The following PEX5L variants were observed in gnomAD, a reference collection of about 807,000 sequenced individuals.
PEX5L encodes the protein PEX5-related protein.
A neutral mutation model predicts 84.0 loss-of-function variants in PEX5L; 30 were observed. That is an observed-to-expected ratio of 0.36 (90% CI 0.27 to 0.48). PEX5L has a LOEUF of 0.48. Among genes scored for constraint, PEX5L ranks in the 20% least tolerant of loss-of-function variants. PEX5L has a pLI of 0.99. For missense variants in PEX5L, 533 were observed against 754.6 expected, an observed-to-expected ratio of 0.71 and a Z score of 3.44; for synonymous variants, 270 against 283.1, an observed-to-expected ratio of 0.95 and a Z score of 0.46.
chr3:180,031,093 TTTATAC>T (rs367755021), intron 1 of PEX5L, among the ~76,000 whole-genome samples: 51,847 of 151,942 alleles, frequency 0.34, 11,624 homozygotes, highest in African/African-American at 0.65. Flanking sequence ...CTAATGGATA[TTTATAC>T]TAATAAAAAA....
chr3:179,914,780 A>G lies in PEX5L; in HGVS notation c.94-16534T>C, dbSNP rs113868441. Among the ~76,000 whole-genome samples, 76 of 152,320 alleles carry G rather than the reference A, an allele frequency of 5.0e-4. 1 individual carries two copies. Among genetic ancestry groups the G allele is most frequent in the African/African-American group, 1.7e-3 (70 of 41,580 alleles). On this transcript the variant is annotated intron_variant, in intron 2 of 14. Coordinates refer to ENST00000467460, the MANE Select transcript of PEX5L (RefSeq NM_016559.3). ...AGTTCTCCTCAGTGATAATTTCAAA[A>G]CTTTTGATCTCTGTAGCTAAAAGAA...
chr3:179,871,909 C>G (rs948196625), intron 7 of PEX5L, among the ~76,000 whole-genome samples: 1 of 152,088 alleles, frequency 6.6e-6, no homozygotes, highest in Non-Finnish European at 1.5e-5. Context: ...TTTTTTGAGA[C>G]AGGGTGTTGC....
chr3:179,854,164 A>G (rs1350481580), intron 8 of PEX5L, among the ~76,000 whole-genome samples: 2 of 150,882 alleles, frequency 1.3e-5, no homozygotes, highest in African/African-American at 4.9e-5. Flanking sequence ...GTTTCAATAC[A>G]ATGTTAAGAT....
intron 8 of PEX5L, among the ~76,000 whole-genome samples, chr3:179,831,066 C>T (rs1732671633): frequency 6.6e-6 from 1 of 152,070 alleles, no homozygotes. Context: ...GCCTGTAATC[C>T]CATCACTTTG....
intron 2 of PEX5L, among the ~76,000 whole-genome samples, chr3:179,954,247 C>A (rs2110008567): frequency 1.3e-5 from 2 of 151,380 alleles, no homozygotes; most frequent in South Asian, 2.1e-4. Context: ...AGGGCTTCAG[C>A]ACTCTCAGAA....
At chr3:179,859,660 A>T (rs1438373345) in intron 7 of PEX5L, among the ~76,000 whole-genome samples, 1 of 152,204 alleles carries the variant, frequency 6.6e-6, no homozygotes, top group African/African-American at 2.4e-5. Flanking sequence ...CCTCATGCAT[A>T]GTTCTCTTCC....
At chr3:179,850,290 C>T (rs1352910279) in intron 8 of PEX5L, among the ~76,000 whole-genome samples, 1 of 151,994 alleles carries the variant, frequency 6.6e-6, no homozygotes, top group Admixed American at 6.6e-5. Flanking sequence ...TCATGCCTGG[C>T]TAATTTTTGT....
chr3:179,857,473 G>A (rs76066921), intron 8 of PEX5L, among the ~76,000 whole-genome samples: 4,176 of 152,298 alleles, frequency 0.027, 183 homozygotes, highest in African/African-American at 0.096. Flanking sequence ...AATTTGTGAA[G>A]TGTTTTAATA....
intron 2 of PEX5L, among the ~76,000 whole-genome samples, chr3:179,945,570 C>T (rs1013987593): frequency 6.6e-6 from 1 of 152,166 alleles, no homozygotes; most frequent in Admixed American, 6.5e-5. Context: ...ACTGCAGTCT[C>T]CATGGGAGGT....
At chr3:179,999,321 C>T (rs1788177482) in intron 1 of PEX5L, among the ~76,000 whole-genome samples, 1 of 152,188 alleles carries the variant, frequency 6.6e-6, no homozygotes, top group Non-Finnish European at 1.5e-5. Flanking sequence ...ATAGGATGAC[C>T]TGTTCTATGG....
In PEX5L at chr3:179,801,676, G is replaced by A; in HGVS notation, c.*152C>T. The A allele has an allele frequency of 3.1e-6, 2 of 636,548 alleles. No individual in the cohort carries two copies. Among genetic ancestry groups the A allele is most frequent in the Non-Finnish European group, 5.6e-6 (2 of 358,900 alleles). The allele number at this position is 636,548 out of a possible 1,614,324, so 39.4% of individuals were successfully genotyped here. ...GCTTTTGGATCTGAACAGAGACTGG[G>A]CATTGTCCACAGGAATTAATTTCCT... is the stretch of plus-strand genomic sequence containing the variant. On this transcript the variant is annotated 3_prime_UTR_variant, in exon 15 of 15. Transcript: ENST00000467460.
rs976494014 is a variant in PEX5L at position 179,819,785 on chromosome 3, A to G, written c.939+75T>C. ...TTACTGTGTTTTTGACAGAATAGCT[A>G]TTGACTAATCTATAAAATATGATCC... On this transcript the variant is annotated intron_variant, in intron 9 of 14. Coordinates refer to ENST00000467460, the MANE Select transcript of PEX5L (RefSeq NM_016559.3). The G allele has an allele frequency of 4.2e-5, 53 of 1,247,326 alleles. 1 individual carries two copies. The South Asian group carries it at 4.8e-4, about 11-fold the overall frequency. The allele number at this position is 1,247,326 out of a possible 1,614,324, so 77.3% of individuals were successfully genotyped here.
intron 2 of PEX5L, among the ~76,000 whole-genome samples, chr3:179,962,180 C>T (rs1235177588): frequency 8.1e-6 from 1 of 123,358 alleles, no homozygotes; most frequent in Non-Finnish European, 1.8e-5. Context: ...TTTAGCTGTG[C>T]ACTTGAAATA....
intron 4 of PEX5L, among the ~76,000 whole-genome samples, chr3:179,886,634 T>C (rs1270368751): frequency 6.6e-6 from 1 of 152,104 alleles, no homozygotes; most frequent in Admixed American, 6.5e-5. Context: ...AGAGCTGGGG[T>C]TGGAATTCAT....
rs1722139737 is a variant in PEX5L at position 179,808,155 on chromosome 3, C to T, written c.1518+117G>A. 1.1e-5 allele frequency: 9 copies of T among 818,576 alleles called. No individual in the cohort carries two copies. In the South Asian group the frequency reaches 1.4e-4, roughly 13 times the overall value. 50.7% of individuals were successfully genotyped at this position (818,576 alleles called of 1,614,324 possible). On this transcript the variant is annotated intron_variant, in intron 13 of 14. Transcript: ENST00000467460. ...AGCACATTATTATTAGTACCCATCA[C>T]TTTAAACCATTGGAGTCAGGGAAAT...
chr3:180,016,098 A>C (rs912206676), intron 1 of PEX5L, among the ~76,000 whole-genome samples: 25 of 151,360 alleles, frequency 1.7e-4, no homozygotes, highest in Non-Finnish European at 2.8e-4. Flanking sequence ...AAGTGCTGTA[A>C]CACCACCACC....
rs1721818191 is a variant in PEX5L at position 179,807,546 on chromosome 3, T to G, written c.1676+128A>C. 4 of 822,250 alleles carry G rather than the reference T, an allele frequency of 4.9e-6. No homozygotes were observed. The Admixed American group carries it at 8.9e-5, about 18-fold the overall frequency. The allele number at this position is 822,250 out of a possible 1,614,324, so 50.9% of individuals were successfully genotyped here. ...GCCTTGGGATCTGAAGGCTCCACAT[T>G]CACCCTTAACGGCAGGAGGAGGAAT... On this transcript the variant is annotated intron_variant, in intron 14 of 14. Coordinates refer to ENST00000467460, the MANE Select transcript of PEX5L (RefSeq NM_016559.3).
intron 2 of PEX5L, among the ~76,000 whole-genome samples, chr3:179,953,891 C>T (rs1779771271): frequency 6.6e-6 from 1 of 152,084 alleles, no homozygotes; most frequent in Non-Finnish European, 1.5e-5. Context: ...GAAATGAATA[C>T]AGTGAGAAAG....
chr3:179,947,789 C>G (rs1039551217), intron 2 of PEX5L, among the ~76,000 whole-genome samples: 8 of 150,102 alleles, frequency 5.3e-5, no homozygotes, highest in African/African-American at 2.0e-4. Flanking sequence ...TCACCGCAAG[C>G]TCTGCCTCCT....
Sources: gnomAD v4.1 joint callset for allele counts (sites outside exome capture counted in the v4.1 genomes callset) on GRCh38, gnomAD v4.1.1 for gene constraint, MANE v1.5 for transcripts, NCBI Gene and HGNC (gene_info 2026-07-23, HGNC 2026-07-21) for gene names.